GPRC5C: variants seen among roughly 807,000 people sequenced by gnomAD.
The protein encoded by GPRC5C is G protein-coupled receptor class C group 5 member C, also known as G protein-coupled receptor family C group 5 member C.
GPRC5C carries 22 observed loss-of-function variants against 31.4 expected under a neutral mutation model. That is an observed-to-expected ratio of 0.70 (90% CI 0.50 to 1.00). The LOEUF (loss-of-function observed/expected upper bound fraction) is 1.00, where lower values mean the gene tolerates loss of function less well. Among genes scored for constraint, GPRC5C ranks in the 50% least tolerant of loss-of-function variants. The pLI is 0.00. For missense variants in GPRC5C, 557 were observed against 597.2 expected (o/e 0.93, Z 0.70); for synonymous variants, 249 against 257.5 (o/e 0.97, Z 0.32).
chr17:74,438,205 T>TCATATA (rs2055464356), intron 1 of GPRC5C, among the ~76,000 whole-genome samples: 1 of 48,284 alleles, frequency 2.1e-5, no homozygotes, highest in Non-Finnish European at 3.7e-5. Flanking sequence ...CTCTGCTAAT[T>TCATATA]CATATATATA....
chr17:74,434,357 G>A (rs2055401314), intron 1 of GPRC5C, among the ~76,000 whole-genome samples: 1 of 152,150 alleles, frequency 6.6e-6, no homozygotes, highest in Admixed American at 6.5e-5. Context: ...ATGCACCTGG[G>A]ACCATCCAGA....
At chr17:74,439,713 A>G (rs1275926057) in intron 1 of GPRC5C, 32 bp from the exon 2 acceptor site, 1 of 1,561,030 alleles carries the variant, frequency 6.4e-7, no homozygotes, top group East Asian at 2.3e-5. Context: ...ATCTTGGAGG[A>G]CTAATTTTGT....
Position 74,439,913 on chromosome 17 carries a change from C to T in GPRC5C, c.137C>T (p.Ser46Phe), listed in dbSNP as rs774217486. Residue 46 changes from serine (S) to phenylalanine (F), a missense_variant, in exon 2 of 4, where the codon TCT (serine) becomes TTT (phenylalanine). Physicochemically the swap from Ser to Phe is radical, Grantham distance 155. Coordinates refer to ENST00000392627, the MANE Select transcript of GPRC5C (RefSeq NM_022036.4). The part of the protein sequence containing the change: ...NPLYYNLCDR[S>F]GAWGIVLEAV... Reference sequence around the variant, plus strand: ...CTGTACTACAACCTGTGTGACCGCTCTGGGGCGTGGGGCATCGTCCTGGAG... The same window carrying T: ...CTGTACTACAACCTGTGTGACCGCTTTGGGGCGTGGGGCATCGTCCTGGAG... 2 of 1,612,704 alleles carry T rather than the reference C, an allele frequency of 1.2e-6. No homozygotes were observed. The highest frequency in any genetic ancestry group is 3.3e-5 in the Admixed American group (2 of 60,026).
In GPRC5C at chr17:74,432,092, A is replaced by G. The variant is rs1019168024; in HGVS notation, c.-82A>G. On this transcript the variant is annotated 5_prime_UTR_variant, in exon 1 of 4. Transcript: ENST00000392627. ...AACCCACACGCCGGCAGGGCCAGAA[A>G]CTCCCATCTCCCTCACCAGCCGGAA... 8.1e-6 allele frequency: 13 copies of G among 1,612,870 alleles called. No homozygotes were observed. Among genetic ancestry groups the G allele is most frequent in the Middle Eastern group, 1.6e-4 (1 of 6,062 alleles).
chr17:74,432,167 C>G (rs773472329), intron 1 of GPRC5C, 26 bp downstream of exon 1: 1 of 1,600,454 alleles, frequency 6.2e-7, no homozygotes, highest in South Asian at 1.1e-5. Context: ...GAGGGCCGGG[C>G]AGGCTTTGTT....
intron 1 of GPRC5C, chr17:74,433,821 G>T (rs1320039): frequency 0.048 from 56,116 of 1,177,960 alleles, 6,622 homozygotes; most frequent in African/African-American, 0.4. Context: ...CGGTATCCTT[G>T]GCCCTGGTGG....
rs928747270 is a variant in GPRC5C at position 74,438,226 on chromosome 17, TATATATATATATATATATATATATATTTG to T, written c.-32-1518_-32-1490del. ...TAATTCATATATATATATATATATA[TATATATATATATATATATATATATATTTG>T]TTGTTGTTGTTGTTGTTTGTTTTCA... On this transcript the variant is annotated intron_variant, in intron 1 of 3. Transcript: ENST00000392627. Among the ~76,000 whole-genome samples, 28 of 112,172 alleles carry T rather than the reference TATATATATATATATATATATATATATTTG, an allele frequency of 2.5e-4. 1 individual carries two copies. The highest frequency in any genetic ancestry group is 1.3e-3 in the African/African-American group (26 of 19,684). The allele number at this position is 112,172 out of a possible 152,430, so 73.6% of individuals were successfully genotyped here.
In GPRC5C at chr17:74,440,127, C is replaced by T. The variant is rs756854959; in HGVS notation, c.351C>T (p.Ala117=). 4 of 1,614,212 alleles carry T rather than the reference C, an allele frequency of 2.5e-6. No homozygotes were observed. The highest frequency in any genetic ancestry group is 2.2e-5 in the South Asian group (2 of 91,086). The part of the protein sequence containing the change: ...CVVKPDFSTC[A]SRRFLFGVLF... The stretch of plus-strand genomic sequence containing the variant: ...TGAAGCCCGACTTCTCCACCTGTGC[C>T]TCTCGGCGCTTCCTCTTTGGGGTTC... Residue 117 remains alanine, a synonymous_variant, in exon 2 of 4, where the codon GCC becomes GCT. Coordinates refer to ENST00000392627, the MANE Select transcript of GPRC5C (RefSeq NM_022036.4). This position sits in a 1 kb window ranked among gnomAD's most constrained non-coding sequence, Gnocchi z 4.4.
At chr17:74,435,214 G>A (rs539001675) in intron 1 of GPRC5C, among the ~76,000 whole-genome samples, 3 of 151,812 alleles carry the variant, frequency 2.0e-5, no homozygotes, top group Admixed American at 6.6e-5. Context: ...GCGAGACTCC[G>A]TCTCAAAAAA....
chr17:74,437,102 C>A (rs8074105), intron 1 of GPRC5C, among the ~76,000 whole-genome samples: 8,870 of 152,174 alleles, frequency 0.058, 734 homozygotes, highest in African/African-American at 0.18. Flanking sequence ...CGCCACCACA[C>A]CTGGCTAATT....
chr17:74,444,714 A>G (rs1034320812), intron 3 of GPRC5C, among the ~76,000 whole-genome samples: 1 of 152,134 alleles, frequency 6.6e-6, no homozygotes, highest in African/African-American at 2.4e-5. Flanking sequence ...GAGCCTGGGC[A>G]GAGGAGAGCT....
intron 1 of GPRC5C, among the ~76,000 whole-genome samples, chr17:74,436,065 A>C (rs1172853527): frequency 1.3e-5 from 2 of 152,154 alleles, no homozygotes; most frequent in Non-Finnish European, 2.9e-5. Context: ...AACCCTGGCT[A>C]TGCCCCCATG....
chr17:74,444,653 G>C (rs1261523625), intron 3 of GPRC5C, among the ~76,000 whole-genome samples: 1 of 152,168 alleles, frequency 6.6e-6, no homozygotes, highest in African/African-American at 2.4e-5. Flanking sequence ...GGAGGTGAGT[G>C]TGGCTGAAGC....
At chr17:74,446,667 A>G in intron 3 of GPRC5C, 182 bp from the exon 4 acceptor site, 1 of 578,130 alleles carries the variant, frequency 1.7e-6, no homozygotes. Context: ...AGGGTGAGAT[A>G]AGGGGCTCAG....
At chr17:74,433,693 C>T in intron 1 of GPRC5C, 1 of 1,609,990 alleles carries the variant, frequency 6.2e-7, no homozygotes. Flanking sequence ...CTGTGGTATC[C>T]CTGGGGGAAC....
rs1598425912 is a variant in GPRC5C at position 74,434,255 on chromosome 17, T to G, written c.-33+2114T>G. On this transcript the variant is annotated intron_variant, in intron 1 of 3. Transcript: ENST00000392627. ...GGGGGAGACTCAGGGCGGAAGGAGG[T>G]TCCCCTCCTACCCCCCTCCTTGAAC... Among the ~76,000 whole-genome samples, 3 of 151,658 alleles carry G rather than the reference T, an allele frequency of 2.0e-5. No homozygotes were observed. In the South Asian group the frequency reaches 6.2e-4, roughly 32 times the overall value.
At chr17:74,434,586 C>T (rs922189156) in intron 1 of GPRC5C, among the ~76,000 whole-genome samples, 21 of 152,162 alleles carry the variant, frequency 1.4e-4, no homozygotes, top group African/African-American at 4.8e-4. Context: ...AGCCTCTGAC[C>T]AGAGCTGAGT....
chr17:74,443,725 C>T (rs756634010), intron 2 of GPRC5C, 93 bp from the exon 3 acceptor site: 4 of 1,000,496 alleles, frequency 4.0e-6, no homozygotes, highest in Non-Finnish European at 4.8e-6. Context: ...TTACCTCTTC[C>T]CTGCCCCCAG....
intron 1 of GPRC5C, chr17:74,432,638 C>G: frequency 2.0e-6 from 1 of 498,200 alleles, no homozygotes; most frequent in South Asian, 8.5e-5. Flanking sequence ...GGACGCCGCG[C>G]CAACTCCGCT....
Sources: gnomAD v4.1 joint callset for allele counts (sites outside exome capture counted in the v4.1 genomes callset) on GRCh38, gnomAD v4.1.1 for gene constraint, Gnocchi (gnomAD v3.1) non-coding constraint, MANE v1.5 for transcripts, NCBI Gene and HGNC (gene_info 2026-07-23, HGNC 2026-07-21) for gene names.